The following SLC41A2 variants were observed in gnomAD, a reference collection of about 807,000 sequenced individuals.
SLC41A2 encodes SLC41A1-like 1.
In SLC41A2, 32 loss-of-function variants were observed where a neutral mutation model predicts 58.3. That is an observed-to-expected ratio of 0.55 (90% CI 0.41 to 0.74). SLC41A2 has a LOEUF of 0.74. Ranked by LOEUF, SLC41A2 falls within the 30% of genes least tolerant of loss-of-function variation. The pLI, the probability that SLC41A2 is intolerant of heterozygous loss-of-function variation, is 0.00. For synonymous variants in SLC41A2, 190 were observed against 235.0 expected, an observed-to-expected ratio of 0.81 and a Z score of 1.75; for missense variants, 514 against 680.6, an observed-to-expected ratio of 0.76 and a Z score of 2.72.
rs1310648590 is a variant in SLC41A2 at position 104,882,510 on chromosome 12, C to T, written c.1027+3783G>A. 2.6e-5 allele frequency among the ~76,000 whole-genome samples: 4 copies of T among 152,182 alleles called. 1 individual carries two copies. In the East Asian group the frequency reaches 7.7e-4, roughly 29 times the overall value. ...CCTTCAGGAGCTCTTTTAGGGCAGG[C>T]CTGGTGGTGACAAAATCTCTCAGCA... is the stretch of plus-strand genomic sequence containing the variant. On this transcript the variant is annotated intron_variant, in intron 6 of 10. Transcript: ENST00000258538.
intron 6 of SLC41A2, among the ~76,000 whole-genome samples, chr12:104,877,400 T>C (rs2044103201): frequency 6.6e-6 from 1 of 152,208 alleles, no homozygotes; most frequent in African/African-American, 2.4e-5. Context: ...ACAAAAAATA[T>C]ATTTTTAGGA....
chr12:104,936,277 A>C (rs1275323428), intron 1 of SLC41A2, among the ~76,000 whole-genome samples: 1 of 152,190 alleles, frequency 6.6e-6, no homozygotes, highest in Non-Finnish European at 1.5e-5. Context: ...TTTTTATATT[A>C]TTTTAGCATG....
At chr12:104,912,631 A>G (rs2046134531) in intron 2 of SLC41A2, among the ~76,000 whole-genome samples, 1 of 152,164 alleles carries the variant, frequency 6.6e-6, no homozygotes, top group Admixed American at 6.5e-5. Flanking sequence ...AATGAGAAAC[A>G]GGTAGAGTTA....
chr12:104,936,481 T>C (rs2135926229), intron 1 of SLC41A2, among the ~76,000 whole-genome samples: 1 of 152,256 alleles, frequency 6.6e-6, no homozygotes, highest in East Asian at 1.9e-4. Context: ...AGAGGTTTAG[T>C]TGGACTCATG....
chr12:104,915,058 C>G (rs1317707111), intron 2 of SLC41A2, among the ~76,000 whole-genome samples: 1 of 152,226 alleles, frequency 6.6e-6, no homozygotes, highest in African/African-American at 2.4e-5. Flanking sequence ...TAACTTTGCA[C>G]ATGCATCACT....
intron 4 of SLC41A2, among the ~76,000 whole-genome samples, chr12:104,893,152 T>C (rs61045970): frequency 0.012 from 1,895 of 152,042 alleles, 52 homozygotes; most frequent in African/African-American, 0.044. Context: ...AACAAATCTA[T>C]AGGAAAAAAA....
At chr12:104,877,472 G>C (rs1272687695) in intron 6 of SLC41A2, among the ~76,000 whole-genome samples, 1 of 152,064 alleles carries the variant, frequency 6.6e-6, no homozygotes, top group Non-Finnish European at 1.5e-5. Context: ...GAATTACTTT[G>C]AGCCAACTTT....
intron 1 of SLC41A2, among the ~76,000 whole-genome samples, chr12:104,956,764 A>G (rs547231415): frequency 3.9e-5 from 6 of 152,254 alleles, no homozygotes; most frequent in Non-Finnish European, 7.3e-5. Flanking sequence ...CATTTTCTCC[A>G]AAGAAAATAT....
At chr12:104,900,941 G>A (rs1191811891) in intron 3 of SLC41A2, among the ~76,000 whole-genome samples, 2 of 152,162 alleles carry the variant, frequency 1.3e-5, no homozygotes, top group Admixed American at 1.3e-4. Flanking sequence ...GCTCAGCAAA[G>A]GCAGAAACAT....
intron 2 of SLC41A2, among the ~76,000 whole-genome samples, chr12:104,912,030 C>T (rs2046110208): frequency 2.0e-5 from 3 of 152,082 alleles, no homozygotes; most frequent in Admixed American, 2.0e-4. Context: ...TCGTTATGTT[C>T]CAGGCACTGT....
At chr12:104,857,115 TAAGA>T in intron 8 of SLC41A2, among the ~76,000 whole-genome samples, 1 of 152,132 alleles carries the variant, frequency 6.6e-6, no homozygotes, top group Non-Finnish European at 1.5e-5. Flanking sequence ...AAAGAGTACA[TAAGA>T]AAGAGGAGTG....
At chr12:104,935,517 T>G (rs75558226) in intron 1 of SLC41A2, among the ~76,000 whole-genome samples, 7,635 of 152,232 alleles carry the variant, frequency 0.05, 274 homozygotes, top group East Asian at 0.11. Flanking sequence ...TTATTGAAAT[T>G]GTTCATGTAC....
intron 10 of SLC41A2, among the ~76,000 whole-genome samples, chr12:104,842,694 T>G (rs1318595225): frequency 6.6e-6 from 1 of 152,102 alleles, no homozygotes; most frequent in Non-Finnish European, 1.5e-5. Flanking sequence ...GTTATTCAGC[T>G]TTCACTGGTG....
intron 8 of SLC41A2, among the ~76,000 whole-genome samples, chr12:104,853,578 T>C (rs1469807061): frequency 6.6e-6 from 1 of 152,154 alleles, no homozygotes; most frequent in Non-Finnish European, 1.5e-5. Context: ...GTAGGCATAT[T>C]TACCTCCCTA....
chr12:104,918,853 G>GTAACCCT lies in SLC41A2; in HGVS notation c.556-9098_556-9092dup, dbSNP rs372976779. ...AAAAACTAATACAGAGAGATCCCAT[G>GTAACCCT]TAACCCTTACCCCATTTTTCCCCAG... On this transcript the variant is annotated intron_variant, in intron 2 of 10. Coordinates refer to ENST00000258538, the MANE Select transcript of SLC41A2 (RefSeq NM_001352171.3). 1.8e-4 allele frequency among the ~76,000 whole-genome samples: 28 copies of GTAACCCT among 152,198 alleles called. 1 individual carries two copies. Among genetic ancestry groups the GTAACCCT allele is most frequent in the African/African-American group, 6.5e-4 (27 of 41,530 alleles).
intron 10 of SLC41A2, among the ~76,000 whole-genome samples, chr12:104,839,707 G>A (rs1446586843): frequency 6.6e-6 from 1 of 152,052 alleles, no homozygotes; most frequent in Non-Finnish European, 1.5e-5. Flanking sequence ...GTTTCACCAT[G>A]TTGGTCAGGC....
At chr12:104,944,284 C>A (rs145530985) in intron 1 of SLC41A2, among the ~76,000 whole-genome samples, 2 of 152,310 alleles carry the variant, frequency 1.3e-5, no homozygotes, top group East Asian at 3.9e-4. Context: ...ATGAAATGGG[C>A]AGTGCAGGAC....
intron 2 of SLC41A2, among the ~76,000 whole-genome samples, chr12:104,921,438 C>T (rs978638348): frequency 6.6e-6 from 1 of 150,986 alleles, no homozygotes; most frequent in African/African-American, 2.4e-5. Flanking sequence ...GACTTTTCAG[C>T]AGAAACCATA....
chr12:104,879,489 G>A (rs1234223225), intron 6 of SLC41A2, among the ~76,000 whole-genome samples: 3 of 152,190 alleles, frequency 2.0e-5, no homozygotes, highest in Admixed American at 1.3e-4. Flanking sequence ...GTAAGGAAGG[G>A]ATCCAGTTTC....
Sources: allele counts gnomAD v4.1 joint callset (sites outside exome capture counted in the v4.1 genomes callset), GRCh38; gene constraint gnomAD v4.1.1; transcripts MANE v1.5; gene names NCBI Gene and HGNC (gene_info 2026-07-23, HGNC 2026-07-21).